LGALS4: variants seen among roughly 807,000 people sequenced by gnomAD.
LGALS4 encodes galectin 4, also known as galectin-4.
LGALS4 carries 37 observed loss-of-function variants against 39.6 expected under a neutral mutation model. The ratio of observed to expected loss-of-function variants is 0.93; its 90% confidence interval spans 0.72 to 1.23. The LOEUF (loss-of-function observed/expected upper bound fraction) is 1.23, where lower values mean the gene tolerates loss of function less well. LGALS4 is among the 50% of genes most tolerant of loss of function. LGALS4 has a pLI of 0.00. For synonymous variants in LGALS4, 160 were observed against 165.5 expected, an observed-to-expected ratio of 0.97 and a Z score of 0.25; for missense variants, 397 against 433.2, an observed-to-expected ratio of 0.92 and a Z score of 0.74.
intron 8 of LGALS4, 36 bp from the exon 9 acceptor site, chr19:38,802,193 TCCAGTGGGAAGAGG>T: frequency 6.2e-7 from 1 of 1,608,854 alleles, no homozygotes; most frequent in Non-Finnish European, 8.5e-7. Flanking sequence ...TCAGATGGAG[TCCAGTGGGAAGAGG>T]CCAGTGGGCT....
intron 3 of LGALS4, among the ~76,000 whole-genome samples, chr19:38,806,871 C>G (rs551713362): frequency 2.0e-5 from 3 of 151,752 alleles, no homozygotes; most frequent in Middle Eastern, 6.8e-3. Flanking sequence ...CGCCTGAACC[C>G]GGGAGGTGGA....
chr19:38,812,610 G>C (rs1425331852), intron 1 of LGALS4, 91 bp from the exon 2 acceptor site: 34 of 1,245,944 alleles, frequency 2.7e-5, no homozygotes, highest in Non-Finnish European at 3.8e-5. Flanking sequence ...CCCTTAAGCA[G>C]GAGAGAGGAA....
intron 7 of LGALS4, 109 bp downstream of exon 7, chr19:38,803,413 C>G: frequency 8.8e-7 from 1 of 1,136,712 alleles, no homozygotes; most frequent in Non-Finnish European, 1.3e-6. Flanking sequence ...CTACCCTTCC[C>G]CTACCTCCCA....
At chr19:38,804,255 C>T (rs1311861284) in intron 4 of LGALS4, among the ~76,000 whole-genome samples, 1 of 152,178 alleles carries the variant, frequency 6.6e-6, no homozygotes, top group African/African-American at 2.4e-5. Context: ...CACACCTCAG[C>T]GCAGGGGCTT....
chr19:38,802,906 G>A (rs1276377407), intron 7 of LGALS4: 1 of 160,400 alleles, frequency 6.2e-6, no homozygotes, highest in Non-Finnish European at 1.4e-5. Flanking sequence ...TGGAACTCTT[G>A]ACCTCAAGTG....
intron 3 of LGALS4, 87 bp from the exon 4 acceptor site, chr19:38,806,682 C>T (rs1049030200): frequency 9.7e-6 from 14 of 1,440,638 alleles, no homozygotes; most frequent in Non-Finnish European, 1.3e-5. Flanking sequence ...CACCCTGGCT[C>T]ACGCCTCTAA....
intron 7 of LGALS4, 124 bp downstream of exon 7, chr19:38,803,398 T>G: frequency 1.1e-6 from 1 of 949,168 alleles, no homozygotes; most frequent in Middle Eastern, 2.9e-4. Context: ...GACCACGAAC[T>G]CTATCTACCC....
chr19:38,805,022 G>A (rs973196370), intron 4 of LGALS4, among the ~76,000 whole-genome samples: 2 of 151,452 alleles, frequency 1.3e-5, no homozygotes, highest in Admixed American at 6.6e-5. Flanking sequence ...AAACTAGCTG[G>A]GGCTGGTGGT....
At position 38,803,815 on chromosome 19, in the gene LGALS4, G is replaced by A. The variant is rs753329853; in HGVS notation, c.502-35C>T. The A allele has an allele frequency of 4.3e-6, 7 of 1,613,434 alleles. No homozygotes were observed. In the Admixed American group the frequency reaches 1.0e-4, roughly 23 times the overall value. ...GGACAGAAGGCAGGAAGGGTGAGAG[G>A]GGCTGAGGGACCCCACTAGGGAGGA... is the stretch of plus-strand genomic sequence containing the variant. On this transcript the variant is annotated intron_variant, in intron 5 of 9. Coordinates refer to ENST00000307751, the MANE Select transcript of LGALS4 (RefSeq NM_006149.4).
At chr19:38,812,651 G>C in intron 1 of LGALS4, 132 bp from the exon 2 acceptor site, 1 of 965,068 alleles carries the variant, frequency 1.0e-6, no homozygotes, top group Non-Finnish European at 1.6e-6. Context: ...TGAAGATGAC[G>C]AGGGCCAACA....
At chr19:38,806,406 A>AT (rs1267970396) in intron 4 of LGALS4, 55 bp downstream of exon 4, 2 of 1,548,196 alleles carry the variant, frequency 1.3e-6, no homozygotes, top group Non-Finnish European at 1.7e-6. Context: ...AAAAAAATGA[A>AT]TGTGGAACTG....
intron 3 of LGALS4, among the ~76,000 whole-genome samples, chr19:38,807,371 G>A (rs1348103197): frequency 1.3e-5 from 2 of 151,904 alleles, no homozygotes; most frequent in African/African-American, 4.8e-5. Flanking sequence ...AGTCTCAAGA[G>A]GAAAACAAAA....
rs878876745 is a variant in LGALS4 at position 38,801,914 on chromosome 19, C to T, written c.826-4G>A. The T allele has an allele frequency of 5.0e-6, 8 of 1,614,078 alleles. No individual in the cohort carries two copies. The East Asian group carries it at 1.6e-4, about 31-fold the overall frequency. ...CCAAGCCACAGCGAATGGACAGCTG[C>T]AGGGAGAAGGGTGGGCATGAGGCCA... On this transcript the variant is annotated splice_region_variant and splice_polypyrimidine_tract_variant and intron_variant, in intron 9 of 9. Transcript: ENST00000307751.
intron 2 of LGALS4, among the ~76,000 whole-genome samples, chr19:38,811,812 G>A (rs965669257): frequency 2.4e-4 from 36 of 151,922 alleles, no homozygotes; most frequent in African/African-American, 8.5e-4. Context: ...TCAGGAGTTC[G>A]AGACCAGCCT....
At chr19:38,809,500 T>C (rs1303520498) in intron 2 of LGALS4, among the ~76,000 whole-genome samples, 1 of 149,542 alleles carries the variant, frequency 6.7e-6, no homozygotes, top group Non-Finnish European at 1.5e-5. Flanking sequence ...TGAGACAGGG[T>C]CTTGTGTTCT....
In LGALS4 at chr19:38,802,423, G is replaced by C. The variant is rs778736683; in HGVS notation, c.571-19C>G. 2 of 1,590,300 alleles carry C rather than the reference G, an allele frequency of 1.3e-6. No individual in the cohort carries two copies. The highest frequency in any genetic ancestry group is 2.7e-5 in the African/African-American group (2 of 74,504). On this transcript the variant is annotated intron_variant, in intron 7 of 9. Transcript: ENST00000307751. ...GCACAGGCTGTGGGAAGAGAACGGG[G>C]GGTCCCATTCTCTCTCAGCTTAGCA...
intron 4 of LGALS4, among the ~76,000 whole-genome samples, chr19:38,806,204 A>G (rs1971419356): frequency 6.6e-6 from 1 of 151,732 alleles, no homozygotes; most frequent in African/African-American, 2.4e-5. Flanking sequence ...TGTCTCTACT[A>G]AAAATACAAA....
Position 38,805,456 on chromosome 19 carries a change from T to A in LGALS4, c.474+1005A>T, listed in dbSNP as rs564498757. Reference sequence around the variant, plus strand: ...AGCCCCTGCCCCTCTGCCTGTGCCCTCCCTATCACAGACCTGACCATTTCT... The same window carrying A: ...AGCCCCTGCCCCTCTGCCTGTGCCCACCCTATCACAGACCTGACCATTTCT... On this transcript the variant is annotated intron_variant, in intron 4 of 9. Coordinates refer to ENST00000307751, the MANE Select transcript of LGALS4 (RefSeq NM_006149.4). Among the ~76,000 whole-genome samples the A allele has an allele frequency of 3.3e-5, 5 of 152,002 alleles. No individual in the cohort carries two copies. The South Asian group carries it at 1.0e-3, about 32-fold the overall frequency.
intron 6 of LGALS4, 93 bp downstream of exon 6, chr19:38,803,649 T>C: frequency 6.3e-7 from 1 of 1,592,496 alleles, no homozygotes; most frequent in Non-Finnish European, 8.6e-7. Flanking sequence ...GCTGGGTTAG[T>C]ACACCTTGGG....
Sources: allele counts gnomAD v4.1 joint callset (sites outside exome capture counted in the v4.1 genomes callset), GRCh38; gene constraint gnomAD v4.1.1; transcripts MANE v1.5; gene names NCBI Gene and HGNC (gene_info 2026-07-23, HGNC 2026-07-21).